Variants in FAM184B observed in about 807,000 individuals in gnomAD.
FAM184B encodes the protein family with sequence similarity 184 member B.
Under a neutral mutation model 135.9 loss-of-function variants are expected in FAM184B, and 111 were observed. That is an observed-to-expected ratio of 0.82 (90% CI 0.70 to 0.96). The LOEUF is 0.96. Among genes scored for constraint, FAM184B ranks in the 40% least tolerant of loss-of-function variants. The pLI, the probability that FAM184B is intolerant of heterozygous loss-of-function variation, is 0.00. For synonymous variants in FAM184B, 552 were observed against 524.8 expected, an observed-to-expected ratio of 1.05 and a Z score of -0.71; for missense variants, 1,375 against 1,323.9, an observed-to-expected ratio of 1.04 and a Z score of -0.60.
intron 5 of FAM184B, among the ~76,000 whole-genome samples, chr4:17,695,189 C>T (rs751456327): frequency 2.0e-5 from 3 of 149,896 alleles, no homozygotes; most frequent in Non-Finnish European, 4.4e-5. Context: ...GACAGGGTCT[C>T]GCTCTGTCAC....
rs76773685 is a variant in FAM184B, at chr4:17,762,595, C to T, written c.141+18564G>A. Among the ~76,000 whole-genome samples the T allele has an allele frequency of 7.8e-3, 1,190 of 152,224 alleles. 19 individuals carry two copies. The highest frequency in any genetic ancestry group is 0.027 in the African/African-American group (1,133 of 41,526). ...TGCCTGTGTTTGCATCACATTCGAT[C>T]GACCAAAGCAAGTTGCAAAAAGAAG... On this transcript the variant is annotated intron_variant, in intron 1 of 17. Coordinates refer to ENST00000265018, the MANE Select transcript of FAM184B (RefSeq NM_015688.2).
At chr4:17,643,846 C>G (rs10470795) in intron 12 of FAM184B, among the ~76,000 whole-genome samples, 1 of 152,004 alleles carries the variant, frequency 6.6e-6, no homozygotes, top group African/African-American at 2.4e-5. Context: ...GGTGGGGAGG[C>G]GATGAGGCAG....
chr4:17,715,565 C>T (rs776668133), intron 1 of FAM184B, among the ~76,000 whole-genome samples: 52 of 152,166 alleles, frequency 3.4e-4, no homozygotes, highest in Non-Finnish European at 4.4e-4. Context: ...TTCAAGAGAT[C>T]TTTCATATAG....
At chr4:17,763,768 C>T (rs1036734098) in intron 1 of FAM184B, among the ~76,000 whole-genome samples, 4 of 152,126 alleles carry the variant, frequency 2.6e-5, no homozygotes, top group Non-Finnish European at 5.9e-5. Flanking sequence ...TTTGCTATTT[C>T]TAGGTCTCTG....
At chr4:17,738,214 T>C (rs893039317) in intron 1 of FAM184B, among the ~76,000 whole-genome samples, 16 of 152,182 alleles carry the variant, frequency 1.1e-4, no homozygotes, top group Non-Finnish European at 2.9e-5. Context: ...AGAATTTCTC[T>C]CTTGCTTGTT....
At chr4:17,738,222 G>A (rs1717952327) in intron 1 of FAM184B, among the ~76,000 whole-genome samples, 1 of 152,014 alleles carries the variant, frequency 6.6e-6, no homozygotes, top group Non-Finnish European at 1.5e-5. Context: ...TCTCTTGCTT[G>A]TTAGGTCTGA....
At chr4:17,688,644 C>G (rs375737206) in intron 6 of FAM184B, 113 bp from the exon 7 acceptor site, 1 of 601,242 alleles carries the variant, frequency 1.7e-6, no homozygotes, top group African/African-American at 2.0e-5. Context: ...GGAGAGTGCC[C>G]CATTAGACAA....
At chr4:17,765,569 A>T (rs1718650899) in intron 1 of FAM184B, among the ~76,000 whole-genome samples, 1 of 152,230 alleles carries the variant, frequency 6.6e-6, no homozygotes, top group Non-Finnish European at 1.5e-5. Context: ...GTTTTTGTAT[A>T]AAAAACAGTA....
chr4:17,632,790 G>T (rs1714999548), intron 17 of FAM184B, 165 bp from the exon 18 acceptor site: 4 of 546,152 alleles, frequency 7.3e-6, no homozygotes, highest in South Asian at 4.3e-5. Context: ...AAAGGATGGG[G>T]CTGGGGAGGG....
At chr4:17,635,686 A>AC (rs1553827073) in intron 15 of FAM184B, among the ~76,000 whole-genome samples, 2 of 151,916 alleles carry the variant, frequency 1.3e-5, no homozygotes, top group Non-Finnish European at 2.9e-5. Flanking sequence ...AAAAAAAAAA[A>AC]AACCCATGAT....
At chr4:17,748,502 G>GT (rs1560192369) in intron 1 of FAM184B, among the ~76,000 whole-genome samples, 1 of 113,938 alleles carries the variant, frequency 8.8e-6, no homozygotes, top group Non-Finnish European at 1.7e-5. Context: ...ATCCTCTTGT[G>GT]TAATTTTTTT....
Position 17,693,390 on chromosome 4 carries a change from T to A in FAM184B, c.1400A>T (p.Glu467Val), listed in dbSNP as rs1259444841. ...LQREVEAQLE[E>V]VRKKSEKEIK... ...CTCCTTTTCTGATTTCTTCCTCACT[T>A]CCTCCAACTGTGCTTCTACTTCCTA... Residue 467 changes from glutamate to valine, a missense_variant, in exon 6 of 18, where the codon GAA becomes GTA. Glu to Val is a moderately radical substitution (Grantham distance 121). Coordinates refer to ENST00000265018, the MANE Select transcript of FAM184B (RefSeq NM_015688.2). 3.2e-6 allele frequency: 5 copies of A among 1,551,526 alleles called. No individual in the cohort carries two copies. Among genetic ancestry groups the A allele is most frequent in the Non-Finnish European group, 3.5e-6 (4 of 1,146,984 alleles).
intron 1 of FAM184B, among the ~76,000 whole-genome samples, chr4:17,738,446 G>T (rs1468885035): frequency 6.6e-6 from 1 of 152,028 alleles, no homozygotes; most frequent in Non-Finnish European, 1.5e-5. Context: ...GAATGTTTAT[G>T]CCAGGAATGG....
intron 1 of FAM184B, among the ~76,000 whole-genome samples, chr4:17,761,830 G>C (rs989233354): frequency 6.6e-5 from 10 of 152,080 alleles, no homozygotes; most frequent in Non-Finnish European, 2.9e-5. Context: ...TTTTTGTTTT[G>C]TTTTGTTTTT....
At chr4:17,708,448 C>T (rs1337655428) in intron 2 of FAM184B, among the ~76,000 whole-genome samples, 1 of 151,346 alleles carries the variant, frequency 6.6e-6, no homozygotes, top group East Asian at 1.9e-4. Flanking sequence ...AGTTGGAGAC[C>T]AGCCTGGCCA....
At chr4:17,665,888 T>C (rs1716036394) in intron 7 of FAM184B, among the ~76,000 whole-genome samples, 1 of 138,628 alleles carries the variant, frequency 7.2e-6, no homozygotes, top group African/African-American at 2.6e-5. Context: ...CTGGGCTTTC[T>C]CCTCCCCCCG....
intron 1 of FAM184B, among the ~76,000 whole-genome samples, chr4:17,757,166 G>A (rs1035853562): frequency 6.6e-6 from 1 of 152,160 alleles, no homozygotes; most frequent in Non-Finnish European, 1.5e-5. Flanking sequence ...ATAAGTGACA[G>A]AAGAACAGGT....
At chr4:17,720,207 T>C (rs966580448) in intron 1 of FAM184B, among the ~76,000 whole-genome samples, 1 of 152,234 alleles carries the variant, frequency 6.6e-6, no homozygotes, top group Non-Finnish European at 1.5e-5. Flanking sequence ...CTGAACGTCA[T>C]ACTCATGTAT....
chr4:17,729,009 G>T (rs550015499), intron 1 of FAM184B, among the ~76,000 whole-genome samples: 1 of 152,164 alleles, frequency 6.6e-6, no homozygotes, highest in African/African-American at 2.4e-5. Context: ...CAAAGAAAGG[G>T]GTGACAGACG....
Sources: allele counts gnomAD v4.1 joint callset (sites outside exome capture counted in the v4.1 genomes callset), GRCh38; gene constraint gnomAD v4.1.1; transcripts MANE v1.5; gene names NCBI Gene and HGNC (gene_info 2026-07-23, HGNC 2026-07-21).